The following MYO5A variants were observed in gnomAD, a reference collection of about 807,000 sequenced individuals.
MYO5A encodes the protein myosin VA.
Under a neutral mutation model 249.7 loss-of-function variants are expected in MYO5A, and 98 were observed. The observed-to-expected ratio is 0.39, with a 90% confidence interval of 0.33 to 0.46. The LOEUF is 0.46. MYO5A is among the 20% of genes least tolerant of loss of function. MYO5A has a pLI of 0.98. For synonymous variants in MYO5A, 778 were observed against 810.6 expected (o/e 0.96, Z 0.68); for missense variants, 1,696 against 2,308.8 (o/e 0.73, Z 5.44).
At chr15:52,418,951 G>A (rs2043655583) in intron 4 of MYO5A, among the ~76,000 whole-genome samples, 1 of 152,106 alleles carries the variant, frequency 6.6e-6, no homozygotes, top group African/African-American at 2.4e-5. Context: ...AGTTTATCAT[G>A]GTCATACCAA....
intron 1 of MYO5A, among the ~76,000 whole-genome samples, chr15:52,456,073 A>T (rs2076112267): frequency 6.6e-6 from 1 of 152,144 alleles, no homozygotes; most frequent in African/African-American, 2.4e-5. Flanking sequence ...TAAAAACGCC[A>T]CCAAATAAAA....
At chr15:52,469,860 A>C (rs1427529981) in intron 1 of MYO5A, among the ~76,000 whole-genome samples, 3 of 152,148 alleles carry the variant, frequency 2.0e-5, no homozygotes, top group South Asian at 2.1e-4. Flanking sequence ...ATCTCCATCA[A>C]GTTGGCTTCC....
At chr15:52,344,301 T>C (rs190928077) in intron 30 of MYO5A, among the ~76,000 whole-genome samples, 5 of 152,338 alleles carry the variant, frequency 3.3e-5, no homozygotes, top group Non-Finnish European at 5.9e-5. Context: ...AACTGCCTAA[T>C]AGATTTCTTT....
intron 1 of MYO5A, among the ~76,000 whole-genome samples, chr15:52,495,211 T>C (rs529095638): frequency 1.4e-4 from 21 of 152,166 alleles, no homozygotes; most frequent in Non-Finnish European, 3.1e-4. Flanking sequence ...AATAGAATAC[T>C]ACTAATCAGC....
chr15:52,353,640 T>C lies in MYO5A; in HGVS notation c.3586A>G (p.Ile1196Val). The C allele has an allele frequency of 6.2e-7, 1 of 1,613,772 alleles. No individual in the cohort carries two copies. The highest frequency in any genetic ancestry group is 1.1e-5 in the South Asian group (1 of 91,084). ...SKAKEEERPQ[I>V]RGAELEYESL... Reference sequence around the variant, plus strand: ...TCATATTCCAGTTCTGCACCTCTAATTTGTGGTCTTTCTTCTTCCTAGGGA... The same window carrying C: ...TCATATTCCAGTTCTGCACCTCTAACTTGTGGTCTTTCTTCTTCCTAGGGA... Residue 1196 changes from isoleucine (I) to valine (V), a missense_variant, in exon 27 of 42, where the codon ATT becomes GTT. By Grantham distance (29) the Ile-to-Val change is conservative. This residue lies in a region of MYO5A where 625 missense variants were observed against 908.1 expected (regional missense o/e 0.69). Transcript: ENST00000399233.
Position 52,433,344 on chromosome 15 carries a change from T to C in MYO5A, c.28-59A>G, listed in dbSNP as rs986552549. 51 of 875,750 alleles carry C rather than the reference T, an allele frequency of 5.8e-5. 1 individual carries two copies. In the Admixed American group the frequency reaches 9.2e-4, roughly 16 times the overall value. 54.2% of individuals were successfully genotyped at this position (875,750 alleles called of 1,614,324 possible). ...AAATCAATTATTTTACAATCATATA[T>C]AAACATATGATAACTATTTATAATT... On this transcript the variant is annotated intron_variant, in intron 1 of 41. Coordinates refer to ENST00000399233, the MANE Select transcript of MYO5A (RefSeq NM_001382347.1).
chr15:52,323,392 C>T lies in MYO5A; in HGVS notation c.4763G>A (p.Arg1588Gln), dbSNP rs772825290. The T allele has an allele frequency of 3.1e-6, 5 of 1,613,566 alleles. No homozygotes were observed. Among genetic ancestry groups the T allele is most frequent in the Admixed American group, 1.7e-5 (1 of 59,998 alleles). ...TVSFWLSNTC[R>Q]FLHCLKQYSG... ...GTACTGTTTCAAGCAGTGCAAAAATCGGCATGTGTTAGAGAGCCAGAAGGA... is the reference window on the plus strand; with the variant it reads ...GTACTGTTTCAAGCAGTGCAAAAATTGGCATGTGTTAGAGAGCCAGAAGGA... Residue 1588 changes from arginine to glutamine, a missense_variant, in exon 37 of 42, where the codon CGA becomes CAA. Arg to Gln is a conservative substitution (Grantham distance 43, BLOSUM62 1). Transcript: ENST00000399233.
chr15:52,372,863 A>AT (rs2041200193), intron 20 of MYO5A, among the ~76,000 whole-genome samples: 1 of 152,078 alleles, frequency 6.6e-6, no homozygotes, highest in Non-Finnish European at 1.5e-5. Flanking sequence ...ACTATGCATT[A>AT]TTAGGCCCGT....
chr15:52,338,504 C>A (rs1175096369), intron 32 of MYO5A, among the ~76,000 whole-genome samples: 1 of 152,098 alleles, frequency 6.6e-6, no homozygotes, highest in Non-Finnish European at 1.5e-5. Context: ...GCTTTAATAT[C>A]CTACTCAAGT....
At chr15:52,393,369 T>A (rs1237354745) in intron 11 of MYO5A, among the ~76,000 whole-genome samples, 1 of 152,040 alleles carries the variant, frequency 6.6e-6, no homozygotes, top group African/African-American at 2.4e-5. Flanking sequence ...ATGCCACTCT[T>A]GGCTCATTTG....
chr15:52,459,813 C>CG (rs1253377539), intron 1 of MYO5A, among the ~76,000 whole-genome samples: 2 of 150,342 alleles, frequency 1.3e-5, no homozygotes, highest in Non-Finnish European at 3.0e-5. Context: ...ACTTCCCAGA[C>CG]GGGGCGGCCG....
chr15:52,391,877 G>C (rs2042253422), intron 12 of MYO5A, 53 bp downstream of exon 12: 5 of 1,568,326 alleles, frequency 3.2e-6, no homozygotes, highest in Non-Finnish European at 4.4e-6. Flanking sequence ...CTTATCTTCT[G>C]ACCTTGATAC....
In MYO5A at chr15:52,405,244, CAT is replaced by C. The variant is rs145028703; in HGVS notation, c.1053+41_1053+42del. 50,701 of 1,385,982 alleles carry C rather than the reference CAT, an allele frequency of 0.037. 1,119 individuals carry two copies. The highest frequency in any genetic ancestry group is 0.053 in the South Asian group (4,568 of 85,634). 85.9% of individuals were successfully genotyped at this position (1,385,982 alleles called of 1,614,324 possible). A position where few individuals can be genotyped will look rare whatever the true frequency, so the allele number is the denominator to read the frequency against. ...CTTTAAACAATCTACAAATCTAAAA[CAT>C]AATTCAACTGCCATCCCACTAAAGC... is the stretch of plus-strand genomic sequence containing the variant. On this transcript the variant is annotated intron_variant, in intron 9 of 41. Coordinates refer to ENST00000399233, the MANE Select transcript of MYO5A (RefSeq NM_001382347.1).
At position 52,319,243 on chromosome 15, in the gene MYO5A, T is replaced by C. The variant is rs1174848861; in HGVS notation, c.5051A>G (p.Tyr1684Cys). ...RTSSIADEGT[Y>C]TLDSILRQLN... is the part of the protein sequence containing the mutation. Reference sequence around the variant, plus strand: ...CTGCCGGAGGATGGAGTCCAGTGTGTAGGTGCCCTCATCGGCGATACTGGA... The same window carrying C: ...CTGCCGGAGGATGGAGTCCAGTGTGCAGGTGCCCTCATCGGCGATACTGGA... Residue 1684 changes from tyrosine (Y) to cysteine (C), a missense_variant, in exon 39 of 42, where the codon TAC becomes TGC. By Grantham distance (194) the Tyr-to-Cys change is radical (BLOSUM62 -2). This residue lies in a region of MYO5A where 625 missense variants were observed against 908.1 expected (regional missense o/e 0.69). Transcript: ENST00000399233. The C allele has an allele frequency of 6.2e-7, 1 of 1,614,198 alleles. No individual in the cohort carries two copies.
chr15:52,396,308 A>G lies in MYO5A; in HGVS notation c.1401+8T>C. ...AGCAGAGTATTATTCAAGGAAGAAC[A>G]TTCTTACCATATTGAATTGTTGCTG... is the stretch of plus-strand genomic sequence containing the variant. On this transcript the variant is annotated splice_region_variant and intron_variant, in intron 11 of 41. Coordinates refer to ENST00000399233, the MANE Select transcript of MYO5A (RefSeq NM_001382347.1). 6.8e-7 allele frequency: 1 copy of G among 1,467,188 alleles called. No homozygotes were observed. Among genetic ancestry groups the G allele is most frequent in the South Asian group, 1.2e-5 (1 of 86,230 alleles). The allele number at this position is 1,467,188 out of a possible 1,614,324, so 90.9% of individuals were successfully genotyped here.
At chr15:52,355,804 A>T (rs1212712457) in intron 25 of MYO5A, among the ~76,000 whole-genome samples, 1 of 152,220 alleles carries the variant, frequency 6.6e-6, no homozygotes, top group African/African-American at 2.4e-5. Flanking sequence ...AGACTTGAGC[A>T]TCCTTAGATT....
chr15:52,361,346 C>T (rs1045259446), intron 24 of MYO5A, among the ~76,000 whole-genome samples: 1 of 152,064 alleles, frequency 6.6e-6, no homozygotes, highest in Admixed American at 6.6e-5. Flanking sequence ...AGATAAACAC[C>T]AGGACAAAGA....
intron 28 of MYO5A, among the ~76,000 whole-genome samples, chr15:52,349,100 TA>T (rs1244590002): frequency 6.6e-6 from 1 of 152,222 alleles, no homozygotes; most frequent in Admixed American, 6.5e-5. Context: ...TTTCTGGTTA[TA>T]AAATATCTTT....
chr15:52,326,749 A>G (rs181666993), intron 36 of MYO5A, among the ~76,000 whole-genome samples: 10 of 152,292 alleles, frequency 6.6e-5, no homozygotes, highest in Admixed American at 1.3e-4. Flanking sequence ...TTAAGTTCAT[A>G]AAAGAAGTCT....
Sources: gnomAD v4.1 joint callset for allele counts (sites outside exome capture counted in the v4.1 genomes callset) on GRCh38, gnomAD v4.1.1 for gene constraint, gnomAD v4.1.1 regional missense constraint, MANE v1.5 for transcripts, NCBI Gene and HGNC (gene_info 2026-07-23, HGNC 2026-07-21) for gene names.